MRPL39: variants seen among roughly 807,000 people sequenced by gnomAD.
The protein encoded by MRPL39 is large ribosomal subunit protein mL39.
MRPL39 carries 35 observed loss-of-function variants against 44.5 expected under a neutral mutation model. The ratio of observed to expected loss-of-function variants is 0.79; its 90% confidence interval spans 0.60 to 1.04. The LOEUF (loss-of-function observed/expected upper bound fraction) is 1.04. MRPL39 is among the 50% of genes least tolerant of loss of function. The pLI is 0.00. For missense variants in MRPL39, 433 were observed against 413.5 expected (o/e 1.05, Z -0.41); for synonymous variants, 139 against 136.1 (o/e 1.02, Z -0.15).
intron 5 of MRPL39, among the ~76,000 whole-genome samples, chr21:25,598,122 T>A (rs970485617): frequency 5.3e-5 from 8 of 152,156 alleles, no homozygotes; most frequent in Admixed American, 5.2e-4. Context: ...TAGACTTTTT[T>A]GCATGAAATG....
At chr21:25,586,689 G>A (rs1410271618) in intron 9 of MRPL39, among the ~76,000 whole-genome samples, 1 of 152,140 alleles carries the variant, frequency 6.6e-6, no homozygotes, top group Admixed American at 6.5e-5. Flanking sequence ...CATTCATCAT[G>A]TTCTCTATGT....
intron 2 of MRPL39, 78 bp downstream of exon 2, chr21:25,606,371 G>C (rs1388933660): frequency 2.3e-6 from 3 of 1,276,892 alleles, no homozygotes; most frequent in Non-Finnish European, 3.3e-6. Flanking sequence ...AGTAATTACA[G>C]CATCCTGTCT....
chr21:25,588,658 C>T (rs1378483789), intron 9 of MRPL39, among the ~76,000 whole-genome samples, 177 bp downstream of exon 9: 5 of 152,190 alleles, frequency 3.3e-5, no homozygotes, highest in Non-Finnish European at 1.5e-5. Flanking sequence ...TGCCAAGTTA[C>T]AACTTTACCC....
Position 25,606,655 on chromosome 21 carries a change from C to A in MRPL39, c.74G>T (p.Arg25Ile). Residue 25 changes from arginine (R) to isoleucine (I), a missense_variant and splice_region_variant, in exon 2 of 10, where the codon AGA (arginine) becomes ATA (isoleucine). Coordinates refer to ENST00000352957, the MANE Select transcript of MRPL39 (RefSeq NM_017446.4). The part of the protein sequence containing the change: ...LVAPGGGIKW[R>I]FIATSSASQL... Reference sequence around the variant, plus strand: ...AGAAGCTGACGATGTTGCTATAAATCCTGTGGAGAAGTTACAATAAATATG... The same window carrying A: ...AGAAGCTGACGATGTTGCTATAAATACTGTGGAGAAGTTACAATAAATATG... The A allele has an allele frequency of 6.2e-7, 1 of 1,606,656 alleles. No individual in the cohort carries two copies. The highest frequency in any genetic ancestry group is 1.1e-5 in the South Asian group (1 of 90,530).
upstream of MRPL39, chr21:25,607,512 C>T (rs1489477923): frequency 3.1e-6 from 5 of 1,601,134 alleles, no homozygotes; most frequent in Middle Eastern, 3.3e-4. Flanking sequence ...AGTCCTTCTC[C>T]GCCCTCCTCC....
At chr21:25,598,824 A>T (rs2123244871) in intron 5 of MRPL39, among the ~76,000 whole-genome samples, 1 of 149,142 alleles carries the variant, frequency 6.7e-6, no homozygotes. Flanking sequence ...CCACTACAGT[A>T]TTTTACTAAA....
chr21:25,591,654 C>A (rs376594243), intron 8 of MRPL39, among the ~76,000 whole-genome samples: 7 of 149,260 alleles, frequency 4.7e-5, no homozygotes, highest in Non-Finnish European at 6.0e-5. Context: ...ATGACTAAAA[C>A]AAAAAAAAAA....
intron 6 of MRPL39, among the ~76,000 whole-genome samples, chr21:25,595,224 C>T (rs1251697687): frequency 6.6e-6 from 1 of 152,186 alleles, no homozygotes. Flanking sequence ...TATGCAAAAA[C>T]ACCCACTGAC....
At chr21:25,586,741 C>G (rs2031010134) in intron 9 of MRPL39, among the ~76,000 whole-genome samples, 1 of 152,114 alleles carries the variant, frequency 6.6e-6, no homozygotes, top group Admixed American at 6.5e-5. Context: ...ACCCATTTTC[C>G]AACAGATTAT....
intron 2 of MRPL39, among the ~76,000 whole-genome samples, chr21:25,604,390 T>C (rs538090857): frequency 4.6e-5 from 7 of 152,334 alleles, no homozygotes; most frequent in African/African-American, 1.7e-4. Context: ...TAATTATTAA[T>C]GAAAAAAGTT....
Position 25,603,939 on chromosome 21 carries a change from G to A in MRPL39, c.281-4C>T. 1.2e-6 allele frequency: 2 copies of A among 1,602,544 alleles called. No homozygotes were observed. Among genetic ancestry groups the A allele is most frequent in the East Asian group, 2.2e-5 (1 of 44,716 alleles). ...CTGCAATACCACTCGCTTAAATCTA[G>A]AAATTTAAAACAGACTGATTATCTA... On this transcript the variant is annotated splice_polypyrimidine_tract_variant and splice_region_variant and intron_variant, in intron 2 of 9. Transcript: ENST00000352957.
rs2031525937 is a variant in MRPL39, at chr21:25,601,570, T to C, written c.421-103A>G. The stretch of plus-strand genomic sequence containing the variant: ...AAGTGAACTTCTGACTTAGAAAATA[T>C]TTCTCATATATCTCTGTTCACACAA... On this transcript the variant is annotated intron_variant, in intron 3 of 9. Coordinates refer to ENST00000352957, the MANE Select transcript of MRPL39 (RefSeq NM_017446.4). 4.3e-6 allele frequency: 3 copies of C among 694,810 alleles called. No individual in the cohort carries two copies. The South Asian group carries it at 8.5e-5, about 20-fold the overall frequency. 43.0% of individuals were successfully genotyped at this position (694,810 alleles called of 1,614,324 possible).
chr21:25,596,441 A>G (rs1310925815), intron 6 of MRPL39, among the ~76,000 whole-genome samples: 1 of 152,234 alleles, frequency 6.6e-6, no homozygotes, highest in African/African-American at 2.4e-5. Context: ...TCAGCTTAAC[A>G]CAGTACATGG....
At chr21:25,604,009 G>C in intron 2 of MRPL39, 74 bp from the exon 3 acceptor site, 3 of 1,369,266 alleles carry the variant, frequency 2.2e-6, no homozygotes, top group Non-Finnish European at 3.0e-6. Context: ...GCTATATTTA[G>C]AAATATAACA....
At chr21:25,604,083 C>T (rs1213665886) in intron 2 of MRPL39, 148 bp from the exon 3 acceptor site, 1 of 684,722 alleles carries the variant, frequency 1.5e-6, no homozygotes, top group Non-Finnish European at 2.3e-6. Flanking sequence ...CGTCTATAAT[C>T]AATTAAAAAA....
chr21:25,601,320 G>C, intron 4 of MRPL39, 48 bp downstream of exon 4: 1 of 1,271,438 alleles, frequency 7.9e-7, no homozygotes, highest in Non-Finnish European at 1.1e-6. Flanking sequence ...TCAAAAATAG[G>C]TACCAAAATA....
rs147181352 is a variant in MRPL39, at chr21:25,592,121, T to C, written c.921+691A>G. 1.3e-4 allele frequency among the ~76,000 whole-genome samples: 20 copies of C among 152,228 alleles called. No homozygotes were observed. The East Asian group carries it at 3.7e-3, about 28-fold the overall frequency. On this transcript the variant is annotated intron_variant, in intron 8 of 9. Coordinates refer to ENST00000352957, the MANE Select transcript of MRPL39 (RefSeq NM_017446.4). ...CAATATTCTTGAAGTGACAAAATTA[T>C]AGAAAAGGAAAACAGATAAGTAGTT...
rs146609626 is a variant in MRPL39, at chr21:25,590,650, G to C, written c.922-1768C>G. Reference sequence around the variant, plus strand: ...GAAAGAAGATATAAATAAATAAGAAGATACAGTAAGTTCATAGACTGGAAA... The same window carrying C: ...GAAAGAAGATATAAATAAATAAGAACATACAGTAAGTTCATAGACTGGAAA... On this transcript the variant is annotated intron_variant, in intron 8 of 9. Coordinates refer to ENST00000352957, the MANE Select transcript of MRPL39 (RefSeq NM_017446.4). Among the ~76,000 whole-genome samples, 557 of 152,142 alleles carry C rather than the reference G, an allele frequency of 3.7e-3. 5 individuals are homozygous for C. Among genetic ancestry groups the C allele is most frequent in the African/African-American group, 0.013 (529 of 41,502 alleles).
chr21:25,591,633 A>C (rs537890183), intron 8 of MRPL39, among the ~76,000 whole-genome samples: 8 of 140,382 alleles, frequency 5.7e-5, no homozygotes, highest in Non-Finnish European at 1.1e-4. Flanking sequence ...AATCACTACA[A>C]ACATATCAGA....
Sources: gnomAD v4.1 joint callset for allele counts (sites outside exome capture counted in the v4.1 genomes callset) on GRCh38, gnomAD v4.1.1 for gene constraint, MANE v1.5 for transcripts, NCBI Gene and HGNC (gene_info 2026-07-23, HGNC 2026-07-21) for gene names.